DHX32: variants seen among roughly 807,000 people sequenced by gnomAD.
The protein encoded by DHX32 is DEAH-box helicase 32 (putative), also known as putative pre-mRNA-splicing factor ATP-dependent RNA helicase DHX32.
In DHX32, 51 loss-of-function variants were observed where a neutral mutation model predicts 70.0. The observed-to-expected ratio is 0.73, with a 90% CI of 0.58 to 0.92. The LOEUF (loss-of-function observed/expected upper bound fraction) is 0.92. DHX32 is among the 40% of genes least tolerant of loss of function. The pLI is 0.00. For synonymous variants in DHX32, 310 were observed against 315.3 expected, an observed-to-expected ratio of 0.98 and a Z score of 0.18; for missense variants, 762 against 891.8, an observed-to-expected ratio of 0.85 and a Z score of 1.85.
intron 1 of DHX32, among the ~76,000 whole-genome samples, chr10:125,888,133 TG>T (rs1406322631): frequency 2.0e-5 from 3 of 152,306 alleles, no homozygotes; most frequent in Non-Finnish European, 2.9e-5. Flanking sequence ...ATACACGCCT[TG>T]CCTTTTAAAA....
rs774144111 is a variant in DHX32, at chr10:125,836,744, C to T, written c.2175G>A (p.Lys725=). ...DHLSPVSTMN[K]EQQMCETCPE... Reference sequence around the variant, plus strand: ...GGCACGTCTCACACATTTGCTGTTCCTTATTCATTGTTGACACAGGGGATA... The same window carrying T: ...GGCACGTCTCACACATTTGCTGTTCTTTATTCATTGTTGACACAGGGGATA... The change falls in exon 11 of 11, where the codon AAG becomes AAA. Residue 725 remains lysine (K), a synonymous_variant. Coordinates refer to ENST00000284690, the MANE Select transcript of DHX32 (RefSeq NM_018180.3). 1.2e-6 allele frequency: 2 copies of T among 1,614,136 alleles called. No individual in the cohort carries two copies. Among genetic ancestry groups the T allele is most frequent in the Admixed American group, 1.7e-5 (1 of 60,012 alleles).
At chr10:125,892,202 A>G (rs10901461) in intron 1 of DHX32, among the ~76,000 whole-genome samples, 48,820 of 149,152 alleles carry the variant, frequency 0.33, 3,589 homozygotes, top group Non-Finnish European at 0.38. Flanking sequence ...CATCTCCTAT[A>G]TCACCAAGAT....
At chr10:125,870,178 G>A (rs574407974) in intron 1 of DHX32, among the ~76,000 whole-genome samples, 1 of 152,322 alleles carries the variant, frequency 6.6e-6, no homozygotes, top group Admixed American at 6.5e-5. Context: ...TAGTCAGGAA[G>A]ATGGTCAATG....
intron 1 of DHX32, among the ~76,000 whole-genome samples, chr10:125,891,590 T>A (rs79676646): frequency 1.7e-5 from 2 of 118,968 alleles, no homozygotes; most frequent in South Asian, 5.5e-4. Context: ...AAAAATGTTT[T>A]AAAAAATATT....
intron 6 of DHX32, among the ~76,000 whole-genome samples, chr10:125,851,939 AAAG>A (rs922516271): frequency 2.0e-5 from 3 of 151,288 alleles, no homozygotes; most frequent in African/African-American, 7.3e-5. Flanking sequence ...AAAAAAAAAA[AAAG>A]AAAAGAAAAA....
At chr10:125,877,485 G>A (rs1005100629) in intron 1 of DHX32, among the ~76,000 whole-genome samples, 4 of 152,004 alleles carry the variant, frequency 2.6e-5, no homozygotes, top group Non-Finnish European at 5.9e-5. Flanking sequence ...CCAGGAGTTC[G>A]AGACCAGCCT....
rs371170658 is a variant in DHX32, at chr10:125,854,019, A to G, written c.1034T>C (p.Phe345Ser). The G allele has an allele frequency of 1.7e-5, 27 of 1,613,928 alleles. No individual in the cohort carries two copies. The highest frequency in any genetic ancestry group is 2.7e-5 in the African/African-American group (2 of 74,920). Residue 345 changes from phenylalanine to serine, a missense_variant, in exon 4 of 11, where the codon TTT becomes TCT. By Grantham distance (155) the Phe-to-Ser change is radical. This residue lies in a region of DHX32 where 394 missense variants were observed against 473.1 expected (regional missense o/e 0.83). Coordinates refer to ENST00000284690, the MANE Select transcript of DHX32 (RefSeq NM_018180.3). Reference protein sequence around the residue: ...RVVLTTSSGEFLIWSNSVRFV... With the variant: ...RVVLTTSSGESLIWSNSVRFV... The stretch of plus-strand genomic sequence containing the variant: ...TCTGACTGAGTTGCTCCAGATCAAA[A>G]ACTCTCCAGAGCTAGTAGTTAACAC...
intron 9 of DHX32, 87 bp downstream of exon 9, chr10:125,838,913 AT>A: frequency 7.3e-7 from 1 of 1,367,924 alleles, no homozygotes; most frequent in Non-Finnish European, 9.9e-7. Flanking sequence ...TAATGTCAAA[AT>A]CATCATCCTA....
At chr10:125,847,442 G>A (rs772428721) in intron 6 of DHX32, among the ~76,000 whole-genome samples, 28 of 152,090 alleles carry the variant, frequency 1.8e-4, no homozygotes, top group Non-Finnish European at 3.5e-4. Context: ...GAGTGCCACT[G>A]GAACTTCCAA....
At chr10:125,844,581 A>C (rs1353780685) in intron 6 of DHX32, among the ~76,000 whole-genome samples, 1 of 152,234 alleles carries the variant, frequency 6.6e-6, no homozygotes. Flanking sequence ...AACATTAATA[A>C]ATAACTAAAT....
chr10:125,851,052 A>T (rs977240513), intron 6 of DHX32, among the ~76,000 whole-genome samples: 1 of 152,220 alleles, frequency 6.6e-6, no homozygotes, highest in African/African-American at 2.4e-5. Context: ...ATTTTTTAAA[A>T]AGAGGTCCAG....
At chr10:125,849,620 G>T (rs1348710322) in intron 6 of DHX32, among the ~76,000 whole-genome samples, 1 of 152,190 alleles carries the variant, frequency 6.6e-6, no homozygotes, top group Non-Finnish European at 1.5e-5. Flanking sequence ...GGCTGTTTGG[G>T]CAGTGCCAGT....
chr10:125,893,402 C>A (rs1226008436), intron 1 of DHX32, among the ~76,000 whole-genome samples: 1 of 152,130 alleles, frequency 6.6e-6, no homozygotes, highest in East Asian at 1.9e-4. Flanking sequence ...CGCCACCATG[C>A]CCGGCTAATT....
chr10:125,887,009 T>A (rs1180416321), intron 1 of DHX32, among the ~76,000 whole-genome samples: 7 of 152,262 alleles, frequency 4.6e-5, no homozygotes. Flanking sequence ...TTTCCACTCC[T>A]AAATCCAAAT....
Position 125,836,351 on chromosome 10 carries a change from C to CA in DHX32, c.*335dup. The CA allele has an allele frequency of 1.2e-6, 2 of 1,606,540 alleles. No individual in the cohort carries two copies. The highest frequency in any genetic ancestry group is 1.7e-6 in the Non-Finnish European group (2 of 1,176,714). ...CTCAGTGGAGATTTACTGAAAAACT[C>CA]AGACTTTATTCAGATTAAGTTCCTC... On this transcript the variant is annotated 3_prime_UTR_variant, in exon 11 of 11. Coordinates refer to ENST00000284690, the MANE Select transcript of DHX32 (RefSeq NM_018180.3).
chr10:125,843,151 G>T (rs932976358), intron 6 of DHX32, among the ~76,000 whole-genome samples: 1 of 152,046 alleles, frequency 6.6e-6, no homozygotes, highest in South Asian at 2.1e-4. Flanking sequence ...AAAACTGCAG[G>T]ATTTATGAGC....
intron 10 of DHX32, among the ~76,000 whole-genome samples, chr10:125,837,350 C>G (rs1427953479): frequency 1.3e-5 from 2 of 152,266 alleles, no homozygotes; most frequent in Non-Finnish European, 1.5e-5. Flanking sequence ...AGACTCTGTA[C>G]TGGCCTCTCA....
chr10:125,848,148 A>G (rs568864635), intron 6 of DHX32, among the ~76,000 whole-genome samples: 2 of 152,304 alleles, frequency 1.3e-5, no homozygotes, highest in East Asian at 1.9e-4. Flanking sequence ...ATTGTGTAAA[A>G]GAGTCCACAG....
chr10:125,845,746 C>T (rs1944008757), intron 6 of DHX32, among the ~76,000 whole-genome samples: 1 of 152,254 alleles, frequency 6.6e-6, no homozygotes, highest in African/African-American at 2.4e-5. Flanking sequence ...GAGCCAAGAT[C>T]CTTCTGTCCA....
Sources: gnomAD v4.1 joint callset for allele counts (sites outside exome capture counted in the v4.1 genomes callset) on GRCh38, gnomAD v4.1.1 for gene constraint, gnomAD v4.1.1 regional missense constraint, MANE v1.5 for transcripts, NCBI Gene and HGNC (gene_info 2026-07-23, HGNC 2026-07-21) for gene names.